Variants in DNM2 observed in about 807,000 individuals in gnomAD.
The protein encoded by DNM2 is dynamin-2.
A neutral mutation model predicts 99.0 loss-of-function variants in DNM2; 15 were observed. That is an observed-to-expected ratio of 0.15 (90% confidence interval 0.10 to 0.23). The LOEUF is 0.23. Among genes scored for constraint, DNM2 ranks in the 10% least tolerant of loss-of-function variants. The pLI, the probability that DNM2 is intolerant of heterozygous loss-of-function variation, is 1.00. For missense variants in DNM2, 742 were observed against 1,189.4 expected (o/e 0.62, Z 5.53); for synonymous variants, 525 against 481.2 (o/e 1.09, Z -1.19).
In DNM2 at chr19:10,768,251, C is replaced by T. The variant is rs778843163; in HGVS notation, c.236-4228C>T. Among the ~76,000 whole-genome samples the T allele has an allele frequency of 9.9e-5, 15 of 151,806 alleles. 1 individual carries two copies. Among genetic ancestry groups the T allele is most frequent in the Non-Finnish European group, 2.9e-5 (2 of 67,934 alleles). On this transcript the variant is annotated intron_variant, in intron 2 of 20. Transcript: ENST00000389253. ...GGTAGATCACGAGGTCAGGAGATCG[C>T]GATCATCCTGGCTAACACGGTGAAA...
intron 14 of DNM2, chr19:10,810,012 C>T (rs2072486477): frequency 6.6e-6 from 1 of 152,276 alleles, no homozygotes; most frequent in African/African-American, 2.4e-5. Context: ...TTTAGGGGTT[C>T]CTCTTTTCCT....
At chr19:10,791,514 G>C (rs1032784701) in intron 7 of DNM2, among the ~76,000 whole-genome samples, 1 of 152,170 alleles carries the variant, frequency 6.6e-6, no homozygotes, top group East Asian at 1.9e-4. Flanking sequence ...GTACAGGGGG[G>C]CAGGATTCAA....
intron 3 of DNM2, among the ~76,000 whole-genome samples, chr19:10,773,024 G>C (rs774360166): frequency 2.1e-5 from 3 of 142,782 alleles, no homozygotes; most frequent in Non-Finnish European, 4.5e-5. Context: ...CTGTTGCCCA[G>C]TCTGGGGTTC....
rs562698927 is a variant in DNM2, at chr19:10,748,528, A to G, written c.162-11210A>G. 2.6e-5 allele frequency among the ~76,000 whole-genome samples: 4 copies of G among 152,194 alleles called. No individual in the cohort carries two copies. In the East Asian group the frequency reaches 7.7e-4, roughly 29 times the overall value. ...CGTCCTTGCTGGGTGACCAATGGCT[A>G]TTGTTGGAAGGATGAGGCAGGGACC... On this transcript the variant is annotated intron_variant, in intron 1 of 20. Coordinates refer to ENST00000389253, the MANE Select transcript of DNM2 (RefSeq NM_001005361.3).
chr19:10,830,007 C>A lies in DNM2; in HGVS notation c.2292-120C>A. ...GCGCTCAGGTTGGGGTGGGAGGATCCCACTGCGCCTGCGCTGTCCCCATAG... is the reference window on the plus strand; with the variant it reads ...GCGCTCAGGTTGGGGTGGGAGGATCACACTGCGCCTGCGCTGTCCCCATAG... On this transcript the variant is annotated intron_variant, in intron 19 of 20. Transcript: ENST00000389253. The surrounding 1 kb of genome is among the most constrained non-coding windows in gnomAD (Gnocchi z 4.8). 6.9e-7 allele frequency: 1 copy of A among 1,448,256 alleles called. No individual in the cohort carries two copies. Among genetic ancestry groups the A allele is most frequent in the East Asian group, 2.3e-5 (1 of 44,008 alleles). 89.7% of individuals were successfully genotyped at this position (1,448,256 alleles called of 1,614,324 possible). A position where few individuals can be genotyped will look rare whatever the true frequency, so the allele number is the denominator to read the frequency against.
rs756219781 is a variant in DNM2 at position 10,817,800 on chromosome 19, C to CGTGTGT, written c.1672-2168_1672-2163dup. Among the ~76,000 whole-genome samples the CGTGTGT allele has an allele frequency of 2.9e-5, 4 of 139,360 alleles. No homozygotes were observed. The highest frequency in any genetic ancestry group is 2.1e-4 in the Admixed American group (3 of 14,196). 91.4% of individuals were successfully genotyped at this position (139,360 alleles called of 152,430 possible). A position where few individuals can be genotyped will look rare whatever the true frequency, so the allele number is the denominator to read the frequency against. Reference sequence around the variant, plus strand: ...GGTGGGGAGGAGGGGCGCACACACACGTGTGTGTGTGTGTGTGCGCGCGCG... The same window carrying CGTGTGT: ...GGTGGGGAGGAGGGGCGCACACACACGTGTGTGTGTGTGTGTGTGTGTGCGCGCGCG... On this transcript the variant is annotated intron_variant, in intron 15 of 20. Transcript: ENST00000389253. This position sits in a 1 kb window ranked among gnomAD's most constrained non-coding sequence, Gnocchi z 4.6.
chr19:10,743,718 G>A (rs1340531243), intron 1 of DNM2, among the ~76,000 whole-genome samples: 1 of 150,286 alleles, frequency 6.7e-6, no homozygotes, highest in Non-Finnish European at 1.5e-5. Flanking sequence ...GCTGAGGCAG[G>A]AGGATGGCAT....
At chr19:10,752,208 C>T (rs2070221203) in intron 1 of DNM2, among the ~76,000 whole-genome samples, 1 of 151,938 alleles carries the variant, frequency 6.6e-6, no homozygotes, top group African/African-American at 2.4e-5. Flanking sequence ...TCTAACAAAG[C>T]CAGAAAGGAA....
At chr19:10,767,806 C>T (rs560486447) in intron 2 of DNM2, among the ~76,000 whole-genome samples, 7 of 151,914 alleles carry the variant, frequency 4.6e-5, no homozygotes, top group Non-Finnish European at 1.0e-4. Flanking sequence ...CTTGGGAGGC[C>T]GAAGTATGAG....
At chr19:10,745,957 GT>G (rs1214910075) in intron 1 of DNM2, among the ~76,000 whole-genome samples, 1 of 152,188 alleles carries the variant, frequency 6.6e-6, no homozygotes, top group Non-Finnish European at 1.5e-5. Flanking sequence ...CCTCCTTGCT[GT>G]TTCTTTTTAT....
Position 10,818,006 on chromosome 19 carries a change from G to A in DNM2, c.1672-1974G>A, listed in dbSNP as rs1177884460. ...GGGTCAGGGCAGCAAAGGCCCTTGGGCAAACGTCCGAGCCGGGGGCAGGGC... is the reference window on the plus strand; with the variant it reads ...GGGTCAGGGCAGCAAAGGCCCTTGGACAAACGTCCGAGCCGGGGGCAGGGC... On this transcript the variant is annotated intron_variant, in intron 15 of 20. Coordinates refer to ENST00000389253, the MANE Select transcript of DNM2 (RefSeq NM_001005361.3). The surrounding 1 kb of genome is among the most constrained non-coding windows in gnomAD (Gnocchi z 4.3). Among the ~76,000 whole-genome samples, 1 of 152,126 alleles carries A rather than the reference G, an allele frequency of 6.6e-6. No individual in the cohort carries two copies. The highest frequency in any genetic ancestry group is 1.5e-5 in the Non-Finnish European group (1 of 68,006).
At chr19:10,746,734 G>T (rs66583038) in intron 1 of DNM2, among the ~76,000 whole-genome samples, 78,212 of 121,820 alleles carry the variant, frequency 0.64, 25,472 homozygotes, top group African/African-American at 0.72. Context: ...TTTGTTTTTT[G>T]TTTTTTTTTT....
intron 3 of DNM2, among the ~76,000 whole-genome samples, chr19:10,774,990 C>G (rs889543170): frequency 6.6e-6 from 1 of 151,594 alleles, no homozygotes; most frequent in African/African-American, 2.4e-5. Flanking sequence ...AGGCTGGTTT[C>G]GAACTCCTGA....
chr19:10,823,807 C>T lies in DNM2; in HGVS notation c.1801C>T (p.Arg601Trp). ...CCGCAGAAACGTCTACAAGGACCTG[C>T]GGCAGATCGAGCTGGCCTGTGACTC... ...TEQRNVYKDL[R>W]QIELACDSQE... Residue 601 changes from arginine to tryptophan, a missense_variant, in exon 17 of 21, where the codon CGG (arginine) becomes TGG (tryptophan). Physicochemically the swap from Arg to Trp is moderately radical, Grantham distance 101 (BLOSUM62 -3). Transcript: ENST00000389253. 1.9e-6 allele frequency: 3 copies of T among 1,613,598 alleles called. No homozygotes were observed. The highest frequency in any genetic ancestry group is 2.5e-6 in the Non-Finnish European group (3 of 1,179,884).
In DNM2 at chr19:10,816,850, G is replaced by A. The variant is rs1237978390; in HGVS notation, c.1672-3130G>A. ...GATCTCCTCTTCCTTCACGTGAGGG[G>A]CCCTTCGTGTTTTTCTCATCTGAGA... is the stretch of plus-strand genomic sequence containing the variant. On this transcript the variant is annotated intron_variant, in intron 15 of 20. Coordinates refer to ENST00000389253, the MANE Select transcript of DNM2 (RefSeq NM_001005361.3). This position sits in a 1 kb window ranked among gnomAD's most constrained non-coding sequence, Gnocchi z 4.6. Among the ~76,000 whole-genome samples, 2 of 152,180 alleles carry A rather than the reference G, an allele frequency of 1.3e-5. No individual in the cohort carries two copies. The highest frequency in any genetic ancestry group is 3.9e-4 in the East Asian group (2 of 5,192).
intron 1 of DNM2, among the ~76,000 whole-genome samples, chr19:10,745,558 G>A (rs547927281): frequency 1.6e-3 from 251 of 152,284 alleles, no homozygotes; most frequent in Non-Finnish European, 2.9e-3. Context: ...TTAGCTGGGC[G>A]TGGTGGCAAG....
intron 4 of DNM2, among the ~76,000 whole-genome samples, chr19:10,776,561 A>G (rs556345937): frequency 1.4e-4 from 22 of 152,234 alleles, no homozygotes; most frequent in Middle Eastern, 3.2e-3. Flanking sequence ...CGGTTAGCAC[A>G]GAGCCAGGCC....
chr19:10,718,978 C>G (rs1025772341), intron 1 of DNM2, among the ~76,000 whole-genome samples: 1 of 152,198 alleles, frequency 6.6e-6, no homozygotes, highest in African/African-American at 2.4e-5. Flanking sequence ...TGTCTGGCCG[C>G]CCATCCGTGC....
At chr19:10,802,150 G>A (rs529835992) in intron 11 of DNM2, 138 bp from the exon 12 acceptor site, 61 of 836,940 alleles carry the variant, frequency 7.3e-5, no homozygotes, top group African/African-American at 5.5e-4. Context: ...GGAGTGCGAC[G>A]CCAGCCCCTG....
Sources: allele counts gnomAD v4.1 joint callset (sites outside exome capture counted in the v4.1 genomes callset), GRCh38; gene constraint gnomAD v4.1.1; non-coding constraint Gnocchi (gnomAD v3.1); transcripts MANE v1.5; gene names NCBI Gene and HGNC (gene_info 2026-07-23, HGNC 2026-07-21).